The following RAG1 variants were observed in gnomAD, a reference collection of about 807,000 sequenced individuals.
RAG1 encodes the protein V(D)J recombination-activating protein 1.
A neutral mutation model predicts 62.7 loss-of-function variants in RAG1; 35 were observed. That is an observed-to-expected ratio of 0.56 (90% CI 0.43 to 0.74). The LOEUF (loss-of-function observed/expected upper bound fraction) is 0.74. Among genes scored for constraint, RAG1 ranks in the 30% least tolerant of loss-of-function variants. RAG1 has a pLI of 0.00. For missense variants in RAG1, 1,169 were observed against 1,278.6 expected (o/e 0.91, Z 1.31); for synonymous variants, 461 against 470.3 (o/e 0.98, Z 0.26).
rs185244035 is a variant in RAG1, at chr11:36,528,918, A to G, written n.429-7041A>G. Among the ~76,000 whole-genome samples the G allele has an allele frequency of 9.8e-5, 15 of 152,312 alleles. No homozygotes were observed. The East Asian group carries it at 2.3e-3, about 23-fold the overall frequency. ...AGAAGAAATGGATAAATTCCCAGAC[A>G]CATATACCCTCCCAAGACTGAACCA... On this transcript the variant is annotated intron_variant and non_coding_transcript_variant, in intron 2 of 2. Coordinates refer to the RAG1 transcript ENST00000529126.
chr11:36,559,403 G>T (rs1473895095), intron 3 of RAG1, among the ~76,000 whole-genome samples: 1 of 152,080 alleles, frequency 6.6e-6, no homozygotes, highest in Non-Finnish European at 1.5e-5. Context: ...ATTCATATGT[G>T]TACATATTTC....
chr11:36,568,992 G>A (rs534238791), intron 1 of RAG1, among the ~76,000 whole-genome samples: 1 of 152,192 alleles, frequency 6.6e-6, no homozygotes, highest in African/African-American at 2.4e-5. Context: ...GTGTGATAAT[G>A]AGAGGTCACA....
chr11:36,510,813 A>T (rs1280940701), exon 1 of RAG1: 1 of 152,214 alleles, frequency 6.6e-6, no homozygotes, highest in African/African-American at 2.4e-5. Flanking sequence ...TTTCTCTGTC[A>T]TGGGAAAACT....
In RAG1 at chr11:36,575,250, C is replaced by T; in HGVS notation, c.1946C>T (p.Pro649Leu). 6.2e-7 allele frequency: 1 copy of T among 1,614,200 alleles called. No homozygotes were observed. The highest frequency in any genetic ancestry group is 8.5e-7 in the Non-Finnish European group (1 of 1,180,044). Residue 649 changes from proline to leucine, a missense_variant, in exon 2 of 2, where the codon CCT becomes CTT. This residue lies in a region of RAG1 where 800 missense variants were observed against 943.3 expected (regional missense o/e 0.85). Transcript: ENST00000299440. The surrounding 1 kb of genome is among the most constrained non-coding windows in gnomAD (Gnocchi z 4.1). ...QNVKVFEEAK[P>L]NSELCCKPLC... ...GTGAAAGTATTTGAAGAAGCCAAAC[C>T]TAACTCTGAACTGTGTTGCAAGCCA...
At chr11:36,519,511 C>T (rs936313943) in intron 1 of RAG1, among the ~76,000 whole-genome samples, 1 of 152,194 alleles carries the variant, frequency 6.6e-6, no homozygotes, top group Non-Finnish European at 1.5e-5. Context: ...AGTAAATTAA[C>T]TATTCCTCTA....
At chr11:36,547,388 T>C in intron 3 of RAG1, among the ~76,000 whole-genome samples, 1 of 151,860 alleles carries the variant, frequency 6.6e-6, no homozygotes, top group Non-Finnish European at 1.5e-5. Flanking sequence ...GCCAGACTAA[T>C]AAAGAAGGAA....
In RAG1 at chr11:36,573,241, A is replaced by C. The variant is rs959202680; in HGVS notation, c.-14-50A>C. On this transcript the variant is annotated intron_variant, in intron 1 of 1. Coordinates refer to ENST00000299440, the MANE Select transcript of RAG1 (RefSeq NM_000448.3). ...ATTTTTATTATTTATAAGATACATCAGTGGGATATTGATATTGGTCTTAAT... is the reference window on the plus strand; with the variant it reads ...ATTTTTATTATTTATAAGATACATCCGTGGGATATTGATATTGGTCTTAAT... 4 of 1,538,300 alleles carry C rather than the reference A, an allele frequency of 2.6e-6. No individual in the cohort carries two copies. In the African/African-American group the frequency reaches 5.5e-5, roughly 21 times the overall value.
chr11:36,550,198 C>A (rs918665970), intron 3 of RAG1, among the ~76,000 whole-genome samples: 5 of 152,014 alleles, frequency 3.3e-5, no homozygotes, highest in African/African-American at 1.2e-4. Flanking sequence ...ACCACCATGG[C>A]AAGTGTATAC....
chr11:36,563,741 C>T (rs1850623336), upstream of RAG1, among the ~76,000 whole-genome samples: 1 of 152,036 alleles, frequency 6.6e-6, no homozygotes, highest in Admixed American at 6.6e-5. Flanking sequence ...GCTAAAGCTC[C>T]TTTGTCTTAA....
chr11:36,515,429 C>G (rs545224982), intron 1 of RAG1: 2 of 152,152 alleles, frequency 1.3e-5, no homozygotes, highest in South Asian at 4.2e-4. Context: ...ATGTCATAAT[C>G]TTTGAGTTGT....
At chr11:36,510,376 C>T (rs1210935727), upstream of RAG1, 1 of 152,084 alleles carries the variant, frequency 6.6e-6, no homozygotes, top group Non-Finnish European at 1.5e-5. Context: ...GACTGTGGCG[C>T]GGGCCGGGCG....
intron 1 of RAG1, among the ~76,000 whole-genome samples, chr11:36,517,088 G>A (rs1860006583): frequency 6.6e-6 from 1 of 152,200 alleles, no homozygotes; most frequent in Non-Finnish European, 1.5e-5. Context: ...GTCCCAAACT[G>A]AGGTTTGAAC....
chr11:36,550,722 G>T (rs1850469255), intron 3 of RAG1, among the ~76,000 whole-genome samples: 1 of 152,020 alleles, frequency 6.6e-6, no homozygotes, highest in African/African-American at 2.4e-5. Context: ...TTGCCTAGTT[G>T]GACTTAATTC....
chr11:36,515,195 C>A (rs971021647), intron 1 of RAG1, among the ~76,000 whole-genome samples: 2 of 152,120 alleles, frequency 1.3e-5, no homozygotes, highest in Non-Finnish European at 2.9e-5. Flanking sequence ...CAGAATCTTT[C>A]TTGTGCCAGA....
At position 36,573,345 on chromosome 11, in the gene RAG1, C is replaced by T. The variant is rs1435668744; in HGVS notation, c.41C>T (p.Ala14Val). Reference protein sequence around the residue: ...SFPPTLGLSSAPDEIQHPHIK... With the variant: ...SFPPTLGLSSVPDEIQHPHIK... Reference sequence around the variant, plus strand: ...CCACCCACCTTGGGACTCAGTTCTGCCCCAGATGAAATTCAGCACCCACAT... The same window carrying T: ...CCACCCACCTTGGGACTCAGTTCTGTCCCAGATGAAATTCAGCACCCACAT... The change falls in exon 2 of 2, where the codon GCC (alanine) becomes GTC (valine). Residue 14 changes from alanine to valine, a missense_variant. Physicochemically the swap from Ala to Val is moderately conservative, Grantham distance 64. Coordinates refer to ENST00000299440, the MANE Select transcript of RAG1 (RefSeq NM_000448.3). 4 of 1,613,996 alleles carry T rather than the reference C, an allele frequency of 2.5e-6. No homozygotes were observed. The South Asian group carries it at 4.4e-5, about 18-fold the overall frequency.
intron 3 of RAG1, among the ~76,000 whole-genome samples, chr11:36,549,925 C>T (rs1400051814): frequency 6.6e-6 from 1 of 152,166 alleles, no homozygotes; most frequent in Non-Finnish European, 1.5e-5. Flanking sequence ...CCATAGAATA[C>T]TATGCAGCCA....
chr11:36,578,021 G>C lies in RAG1; in HGVS notation c.*1585G>C, dbSNP rs1850878424. The C allele has an allele frequency of 6.0e-6, 1 of 167,074 alleles. No homozygotes were observed. Among genetic ancestry groups the C allele is most frequent in the Admixed American group, 6.5e-5 (1 of 15,292 alleles). 10.3% of individuals were successfully genotyped at this position (167,074 alleles called of 1,614,324 possible). On this transcript the variant is annotated 3_prime_UTR_variant, in exon 2 of 2. Transcript: ENST00000299440. ...CTATGATCTGCATCCTTAGGAATCT[G>C]GGATTTGCCAGTTGCTGGCAATGTA...
chr11:36,541,133 G>T (rs1386165407), intron 3 of RAG1, among the ~76,000 whole-genome samples: 1 of 152,178 alleles, frequency 6.6e-6, no homozygotes, highest in African/African-American at 2.4e-5. Context: ...GTGGTGCTGA[G>T]CTGTAAACAA....
intron 1 of RAG1, among the ~76,000 whole-genome samples, chr11:36,519,419 A>G (rs1051335019): frequency 6.6e-6 from 1 of 152,248 alleles, no homozygotes. Context: ...CTTCAAACAC[A>G]TCAAGCATTT....
Sources: gnomAD v4.1 joint callset for allele counts (sites outside exome capture counted in the v4.1 genomes callset) on GRCh38, gnomAD v4.1.1 for gene constraint, gnomAD v4.1.1 regional missense constraint, Gnocchi (gnomAD v3.1) non-coding constraint, MANE v1.5 for transcripts, NCBI Gene and HGNC (gene_info 2026-07-23, HGNC 2026-07-21) for gene names.